G3BP2: variants seen among roughly 807,000 people sequenced by gnomAD.
G3BP2 encodes the protein ras GTPase-activating protein-binding protein 2.
A neutral mutation model predicts 56.7 loss-of-function variants in G3BP2; 11 were observed. The ratio of observed to expected loss-of-function variants is 0.19; its 90% CI spans 0.12 to 0.32. G3BP2 has a LOEUF of 0.32. G3BP2 is among the 10% of genes least tolerant of loss of function. The pLI, the probability that G3BP2 is intolerant of heterozygous loss-of-function variation, is 1.00. For synonymous variants in G3BP2, 165 were observed against 191.6 expected, an observed-to-expected ratio of 0.86 and a Z score of 1.15; for missense variants, 340 against 610.9, an observed-to-expected ratio of 0.56 and a Z score of 4.67.
rs771005726 is a variant in G3BP2 at position 75,646,366 on chromosome 4, T to C, written c.1148A>G (p.Glu383Gly). The C allele has an allele frequency of 6.4e-7, 1 of 1,573,796 alleles. No homozygotes were observed. Among genetic ancestry groups the C allele is most frequent in the South Asian group, 1.1e-5 (1 of 88,598 alleles). ...NFGFVVFDDS[E>G]PVQRILIAKP... The stretch of plus-strand genomic sequence containing the variant: ...TGCAATTAAGATTCTCTGAACTGGT[T>C]CAGAGTCATCAAAAACCACAAAACC... The change falls in exon 11 of 12, where the codon GAA becomes GGA. Residue 383 changes from glutamate to glycine, a missense_variant. This residue lies in a region of G3BP2 where 94 missense variants were observed against 173.8 expected (regional missense o/e 0.54). Transcript: ENST00000359707.
intron 1 of G3BP2, among the ~76,000 whole-genome samples, chr4:75,663,513 T>C (rs1488684689): frequency 6.6e-6 from 1 of 152,146 alleles, no homozygotes; most frequent in Non-Finnish European, 1.5e-5. Flanking sequence ...TGGCCTCAAG[T>C]GATCCTCTCA....
At chr4:75,650,311 G>A (rs1731575512) in intron 8 of G3BP2, among the ~76,000 whole-genome samples, 1 of 149,692 alleles carries the variant, frequency 6.7e-6, no homozygotes, top group Admixed American at 6.7e-5. Flanking sequence ...GCACATGCCT[G>A]TAATCCCAGC....
chr4:75,700,079 G>A (rs1223318896), intron 3 of G3BP2, among the ~76,000 whole-genome samples: 2 of 151,892 alleles, frequency 1.3e-5, no homozygotes, highest in African/African-American at 4.8e-5. Flanking sequence ...TTTTGAGGCA[G>A]AGTCTCGCTC....
At chr4:75,705,471 T>C (rs1255356788) in intron 3 of G3BP2, among the ~76,000 whole-genome samples, 3 of 152,226 alleles carry the variant, frequency 2.0e-5, no homozygotes, top group African/African-American at 7.2e-5. Flanking sequence ...GTCGCTTCCC[T>C]GTGGTGATCA....
At chr4:75,675,277 T>G (rs779539938), upstream of G3BP2, among the ~76,000 whole-genome samples, 3 of 152,234 alleles carry the variant, frequency 2.0e-5, no homozygotes, top group Admixed American at 6.5e-5. Flanking sequence ...GCAATGCTAT[T>G]ATAAATATTC....
At chr4:75,683,658 ACTCT>A (rs763994358) in intron 3 of G3BP2, among the ~76,000 whole-genome samples, 1 of 151,884 alleles carries the variant, frequency 6.6e-6, no homozygotes, top group African/African-American at 2.4e-5. Context: ...CTGGACTGCC[ACTCT>A]GACCTATATG....
At chr4:75,659,252 A>G (rs1349532473) in intron 2 of G3BP2, among the ~76,000 whole-genome samples, 2 of 152,224 alleles carry the variant, frequency 1.3e-5, no homozygotes, top group African/African-American at 4.8e-5. Context: ...GATTTAGTAC[A>G]TTCTAAATAC....
chr4:75,647,148 T>C lies in G3BP2; in HGVS notation c.938A>G (p.Asp313Gly). The change falls in exon 10 of 12, where the codon GAT becomes GGT. Residue 313 changes from aspartate to glycine, a missense_variant. Coordinates refer to ENST00000359707, the MANE Select transcript of G3BP2 (RefSeq NM_203505.3). ...PPRGPRPGRG[D>G]MEQNDSDNRR... ...GTTGTCAGAGTCATTCTGTTCCATA[T>C]CTCCTCTGCCTGAGAATAGAAATAG... is the stretch of plus-strand genomic sequence containing the variant. 1 of 1,590,592 alleles carries C rather than the reference T, an allele frequency of 6.3e-7. No individual in the cohort carries two copies. Among genetic ancestry groups the C allele is most frequent in the Non-Finnish European group, 8.6e-7 (1 of 1,165,736 alleles).
chr4:75,649,728 A>G (rs1731526766), intron 8 of G3BP2, among the ~76,000 whole-genome samples: 1 of 152,200 alleles, frequency 6.6e-6, no homozygotes, highest in Non-Finnish European at 1.5e-5. Flanking sequence ...TTTCAGTCCC[A>G]TCTTTAAAGA....
chr4:75,679,161 C>T (rs1234001104), intron 3 of G3BP2, among the ~76,000 whole-genome samples: 2 of 152,200 alleles, frequency 1.3e-5, no homozygotes, highest in Non-Finnish European at 2.9e-5. Context: ...CCATGTCCTA[C>T]TGCTAAATGA....
intron 3 of G3BP2, among the ~76,000 whole-genome samples, chr4:75,695,349 T>C (rs1719060062): frequency 6.6e-6 from 1 of 152,166 alleles, no homozygotes; most frequent in South Asian, 2.1e-4. Context: ...GCTGCCATGA[T>C]TGTCTCCTGC....
chr4:75,682,341 G>C (rs577130943), intron 3 of G3BP2, among the ~76,000 whole-genome samples: 3 of 151,440 alleles, frequency 2.0e-5, no homozygotes, highest in South Asian at 2.1e-4. Context: ...CCTTGAACCA[G>C]GGAGGCAGAG....
upstream of G3BP2, among the ~76,000 whole-genome samples, chr4:75,676,336 A>ATTTTTTT (rs34017434): frequency 1.6e-4 from 15 of 92,076 alleles, no homozygotes; most frequent in South Asian, 3.5e-4. Flanking sequence ...ATTGCCAATA[A>ATTTTTTT]TTTTTTTTTT....
At chr4:75,704,736 G>A (rs1429216069) in intron 3 of G3BP2, among the ~76,000 whole-genome samples, 3 of 152,092 alleles carry the variant, frequency 2.0e-5, no homozygotes, top group East Asian at 3.9e-4. Flanking sequence ...GGGTTCAAGC[G>A]ATTCTTCTGC....
Position 75,645,763 on chromosome 4 carries a change from C to T in G3BP2, c.1177-61G>A, listed in dbSNP as rs187603186. The T allele has an allele frequency of 5.5e-3, 7,861 of 1,439,838 alleles. 37 individuals are homozygous for T. The highest frequency in any genetic ancestry group is 6.8e-3 in the Non-Finnish European group (7,048 of 1,035,380). The allele number at this position is 1,439,838 out of a possible 1,614,324, so 89.2% of individuals were successfully genotyped here. ...GGTTAGACAGCAATAGAAATGATTACTCTGAACAGGTCAGTCAGATAAGCA... is the reference window on the plus strand; with the variant it reads ...GGTTAGACAGCAATAGAAATGATTATTCTGAACAGGTCAGTCAGATAAGCA... On this transcript the variant is annotated intron_variant, in intron 11 of 11. Coordinates refer to ENST00000359707, the MANE Select transcript of G3BP2 (RefSeq NM_203505.3).
In G3BP2 at chr4:75,653,610, A is replaced by C. The variant is rs937785523; in HGVS notation, c.825+373T>G. ...GCTTTAAAAAAAAAAAAAAAAACAA[A>C]AACGATTCTTTATTACGCCACACTA... On this transcript the variant is annotated intron_variant, in intron 8 of 11. Transcript: ENST00000359707. Among the ~76,000 whole-genome samples, 5 of 151,556 alleles carry C rather than the reference A, an allele frequency of 3.3e-5. No homozygotes were observed. In the South Asian group the frequency reaches 1.0e-3, roughly 31 times the overall value.
At chr4:75,667,307 AT>A (rs1286503480) in intron 1 of G3BP2, among the ~76,000 whole-genome samples, 2 of 150,250 alleles carry the variant, frequency 1.3e-5, no homozygotes, top group Admixed American at 6.6e-5. Flanking sequence ...AAAAAAAAAG[AT>A]AGCCAAGATT....
intron 3 of G3BP2, among the ~76,000 whole-genome samples, chr4:75,687,027 A>G (rs1305956964): frequency 6.6e-6 from 1 of 152,194 alleles, no homozygotes; most frequent in Non-Finnish European, 1.5e-5. Context: ...TAGGAGTTCC[A>G]TGCCAGCCTA....
rs539232614 is a variant in G3BP2 at position 75,705,898 on chromosome 4, A to G, written c.-25+14979T>C. On this transcript the variant is annotated intron_variant, in intron 3 of 3. Transcript: ENST00000499709. ...ATATTTATTTAGTGAGCATAGGAACAGTGACTGGAATAATGAATACTTGCT... is the reference window on the plus strand; with the variant it reads ...ATATTTATTTAGTGAGCATAGGAACGGTGACTGGAATAATGAATACTTGCT... 1.3e-4 allele frequency among the ~76,000 whole-genome samples: 20 copies of G among 152,320 alleles called. No individual in the cohort carries two copies. In the East Asian group the frequency reaches 3.7e-3, roughly 28 times the overall value.
Sources: allele counts gnomAD v4.1 joint callset (sites outside exome capture counted in the v4.1 genomes callset), GRCh38; gene constraint gnomAD v4.1.1; regional missense constraint gnomAD v4.1.1; transcripts MANE v1.5; gene names NCBI Gene and HGNC (gene_info 2026-07-23, HGNC 2026-07-21).